Variants in CNTNAP5 observed in about 807,000 individuals in gnomAD.
The protein encoded by CNTNAP5 is contactin associated protein family member 5.
In CNTNAP5, 72 loss-of-function variants were observed where a neutral mutation model predicts 150.2. The observed-to-expected ratio is 0.48, with a 90% CI of 0.40 to 0.58. The LOEUF (loss-of-function observed/expected upper bound fraction) is 0.58, where lower values mean the gene tolerates loss of function less well. Among genes scored for constraint, CNTNAP5 ranks in the 20% least tolerant of loss-of-function variants. The pLI is 0.00. For synonymous variants in CNTNAP5, 672 were observed against 619.8 expected (o/e 1.08, Z -1.25); for missense variants, 1,636 against 1,626.2 (o/e 1.01, Z -0.10).
At chr2:124,340,784 C>A (rs1371329556) in intron 3 of CNTNAP5, among the ~76,000 whole-genome samples, 2 of 143,208 alleles carry the variant, frequency 1.4e-5, no homozygotes, top group Non-Finnish European at 3.0e-5. Flanking sequence ...TATATATATA[C>A]ACATACATAT....
intron 1 of CNTNAP5, among the ~76,000 whole-genome samples, chr2:124,178,375 G>A (rs915596177): frequency 6.6e-6 from 1 of 152,092 alleles, no homozygotes; most frequent in Non-Finnish European, 1.5e-5. Flanking sequence ...GAATAGAAGT[G>A]TTGCTTTCCA....
At chr2:124,315,455 C>T (rs533853225) in intron 3 of CNTNAP5, among the ~76,000 whole-genome samples, 2 of 152,172 alleles carry the variant, frequency 1.3e-5, no homozygotes, top group South Asian at 4.1e-4. Flanking sequence ...TGCTTTGGGC[C>T]AAGGTAGAAG....
intron 12 of CNTNAP5, among the ~76,000 whole-genome samples, chr2:124,638,019 G>A (rs997304078): frequency 1.3e-5 from 2 of 151,802 alleles, no homozygotes. Flanking sequence ...TTTGCTCATT[G>A]TTTCTGGGCC....
chr2:124,449,081 T>C (rs1233524711), intron 6 of CNTNAP5, among the ~76,000 whole-genome samples: 3 of 152,212 alleles, frequency 2.0e-5, no homozygotes, highest in Admixed American at 6.5e-5. Flanking sequence ...TTTCAATCAC[T>C]ATCATGAGAA....
intron 14 of CNTNAP5, among the ~76,000 whole-genome samples, chr2:124,757,064 A>G (rs1290956115): frequency 1.3e-5 from 2 of 152,180 alleles, no homozygotes; most frequent in Non-Finnish European, 2.9e-5. Context: ...CGAGTGGAGT[A>G]AGGAAATAGC....
At chr2:124,692,321 A>C (rs113094725) in intron 13 of CNTNAP5, among the ~76,000 whole-genome samples, 12 of 152,250 alleles carry the variant, frequency 7.9e-5, no homozygotes, top group African/African-American at 2.9e-4. Flanking sequence ...AATACAGCTA[A>C]GTGTATTCAG....
chr2:124,195,320 A>G (rs1421046345), intron 1 of CNTNAP5, among the ~76,000 whole-genome samples: 1 of 152,166 alleles, frequency 6.6e-6, no homozygotes, highest in Non-Finnish European at 1.5e-5. Context: ...CACTACTGAG[A>G]ATACTCACTT....
At chr2:124,380,319 G>A (rs907654651) in intron 3 of CNTNAP5, among the ~76,000 whole-genome samples, 1 of 152,074 alleles carries the variant, frequency 6.6e-6, no homozygotes, top group Admixed American at 6.6e-5. Flanking sequence ...GTACATGACT[G>A]GGCTAGATTC....
chr2:124,784,811 C>T (rs1681529251), intron 17 of CNTNAP5, among the ~76,000 whole-genome samples: 1 of 152,014 alleles, frequency 6.6e-6, no homozygotes, highest in African/African-American at 2.4e-5. Flanking sequence ...TGTTTAATTC[C>T]CCACTCTGGC....
chr2:124,843,290 TG>T (rs2104694858), intron 19 of CNTNAP5, among the ~76,000 whole-genome samples: 1 of 152,198 alleles, frequency 6.6e-6, no homozygotes, highest in African/African-American at 2.4e-5. Context: ...CGTTGATCGA[TG>T]AGCATTTGGG....
chr2:124,311,487 A>AT (rs755896419), intron 3 of CNTNAP5, among the ~76,000 whole-genome samples: 26 of 152,154 alleles, frequency 1.7e-4, no homozygotes, highest in Non-Finnish European at 2.4e-4. Flanking sequence ...GGAAAGAAAG[A>AT]TTTTTTGTCT....
rs540859245 is a variant in CNTNAP5 at position 124,068,593 on chromosome 2, G to A, written c.82+42861G>A. 2.6e-5 allele frequency among the ~76,000 whole-genome samples: 4 copies of A among 152,118 alleles called. No homozygotes were observed. In the East Asian group the frequency reaches 7.8e-4, roughly 30 times the overall value. ...CTGGTCTTAGAGCCAATGGACTGGG[G>A]TGGTGCATGACCTAGTGAAACACCA... On this transcript the variant is annotated intron_variant, in intron 1 of 23. Coordinates refer to ENST00000682447, the MANE Select transcript of CNTNAP5 (RefSeq NM_001367498.1).
intron 1 of CNTNAP5, among the ~76,000 whole-genome samples, chr2:124,161,138 G>A (rs1178094229): frequency 2.6e-5 from 4 of 152,102 alleles, no homozygotes; most frequent in Non-Finnish European, 4.4e-5. Context: ...TGAACTGAGT[G>A]CCTAATACAT....
At chr2:124,409,178 A>C (rs1433704045) in intron 3 of CNTNAP5, among the ~76,000 whole-genome samples, 1 of 140,382 alleles carries the variant, frequency 7.1e-6, no homozygotes, top group Non-Finnish European at 1.5e-5. Flanking sequence ...GTTTAGAGAA[A>C]AAAGAATAAA....
intron 21 of CNTNAP5, among the ~76,000 whole-genome samples, chr2:124,873,257 C>G (rs1390789830): frequency 6.6e-6 from 1 of 152,008 alleles, no homozygotes; most frequent in Admixed American, 6.6e-5. Context: ...CCAACTTACT[C>G]ACCATTGCAA....
At chr2:124,796,746 T>C (rs1285512626) in intron 18 of CNTNAP5, among the ~76,000 whole-genome samples, 2 of 152,228 alleles carry the variant, frequency 1.3e-5, no homozygotes, top group South Asian at 2.1e-4. Context: ...ATGGGGAATT[T>C]GGAACATTCC....
chr2:124,130,805 C>G (rs548886003), intron 1 of CNTNAP5, among the ~76,000 whole-genome samples: 9 of 152,170 alleles, frequency 5.9e-5, no homozygotes, highest in Non-Finnish European at 7.4e-5. Context: ...CATAGAGAAT[C>G]TTCTCCTTTA....
At chr2:124,510,930 T>C (rs1694573136) in intron 8 of CNTNAP5, among the ~76,000 whole-genome samples, 1 of 152,172 alleles carries the variant, frequency 6.6e-6, no homozygotes, top group African/African-American at 2.4e-5. Context: ...CTAATTTATA[T>C]ATTTTAAGCT....
chr2:124,423,612 C>T (rs1156956330), intron 4 of CNTNAP5, among the ~76,000 whole-genome samples: 1 of 134,632 alleles, frequency 7.4e-6, no homozygotes, highest in Non-Finnish European at 1.5e-5. Flanking sequence ...TGCCAAAGTG[C>T]TGGGATTACA....
Sources: gnomAD v4.1 joint callset for allele counts (sites outside exome capture counted in the v4.1 genomes callset) on GRCh38, gnomAD v4.1.1 for gene constraint, MANE v1.5 for transcripts, NCBI Gene and HGNC (gene_info 2026-07-23, HGNC 2026-07-21) for gene names.